Variants in RAPGEF4 observed in about 807,000 individuals in gnomAD.
The protein encoded by RAPGEF4 is Rap guanine nucleotide exchange factor 4, also known as RAP guanine-nucleotide-exchange factor (GEF) 4.
In RAPGEF4, 66 loss-of-function variants were observed where a neutral mutation model predicts 147.9. The observed-to-expected ratio is 0.45, with a 90% CI of 0.37 to 0.55. The LOEUF (loss-of-function observed/expected upper bound fraction) is 0.55. Ranked by LOEUF, RAPGEF4 falls within the 20% of genes least tolerant of loss-of-function variation. RAPGEF4 has a pLI of 0.00. For synonymous variants in RAPGEF4, 419 were observed against 442.7 expected, an observed-to-expected ratio of 0.95 and a Z score of 0.67; for missense variants, 1,071 against 1,257.3, an observed-to-expected ratio of 0.85 and a Z score of 2.24.
chr2:172,818,279 C>G (rs1688712825), intron 4 of RAPGEF4, among the ~76,000 whole-genome samples: 1 of 151,848 alleles, frequency 6.6e-6, no homozygotes, highest in Admixed American at 6.6e-5. Flanking sequence ...GAAGTCACCA[C>G]TAAAAAACTT....
chr2:172,769,190 A>T (rs997934325), intron 1 of RAPGEF4, among the ~76,000 whole-genome samples: 2 of 152,124 alleles, frequency 1.3e-5, no homozygotes, highest in Admixed American at 6.5e-5. Context: ...TGAAGGTTTG[A>T]TCTCTGGAAT....
At position 173,014,477 on chromosome 2, in the gene RAPGEF4, C is replaced by A. The variant is rs751881578; in HGVS notation, c.1672C>A (p.Pro558Thr). Reference sequence around the variant, plus strand: ...ACTCCTCGGCACCTACCACGCACAGCCTTCACAAGGTACAGAACAGGAGAA... The same window carrying A: ...ACTCCTCGGCACCTACCACGCACAGACTTCACAAGGTACAGAACAGGAGAA... Reference protein sequence around the residue: ...PALVAHYHAQPSQGTEQEKMD... With the variant: ...PALVAHYHAQTSQGTEQEKMD... The change falls in exon 18 of 31, where the codon CCT becomes ACT. Residue 558 changes from proline (P) to threonine (T), a missense_variant. Physicochemically the swap from Pro to Thr is conservative, Grantham distance 38. Coordinates refer to ENST00000397081, the MANE Select transcript of RAPGEF4 (RefSeq NM_007023.4). The A allele has an allele frequency of 1.2e-6, 2 of 1,613,932 alleles. No individual in the cohort carries two copies.
chr2:172,981,617 G>A (rs1479197822), intron 10 of RAPGEF4, among the ~76,000 whole-genome samples: 1 of 152,182 alleles, frequency 6.6e-6, no homozygotes, highest in Non-Finnish European at 1.5e-5. Flanking sequence ...TCTTTATACA[G>A]TCAGGATTAG....
chr2:172,785,512 G>A (rs1685113405), intron 1 of RAPGEF4, among the ~76,000 whole-genome samples: 2 of 152,122 alleles, frequency 1.3e-5, no homozygotes, highest in East Asian at 3.9e-4. Flanking sequence ...GAGGAGATGA[G>A]CAGCTCTTTG....
chr2:172,773,644 G>GC (rs145739180), intron 1 of RAPGEF4, among the ~76,000 whole-genome samples: 5,019 of 115,424 alleles, frequency 0.043, 237 homozygotes, highest in African/African-American at 0.12. Context: ...GCCCCACACT[G>GC]CCCCCCCCGC....
At chr2:172,832,704 G>A (rs1010416945) in intron 4 of RAPGEF4, among the ~76,000 whole-genome samples, 6 of 152,312 alleles carry the variant, frequency 3.9e-5, no homozygotes, top group South Asian at 2.1e-4. Context: ...TGATTCAACT[G>A]TTTTCATTTT....
intron 4 of RAPGEF4, among the ~76,000 whole-genome samples, chr2:172,882,728 G>T (rs978668985): frequency 2.6e-4 from 39 of 152,068 alleles, no homozygotes; most frequent in African/African-American, 8.7e-4. Flanking sequence ...TAGCTATAAT[G>T]TAAAGTTGAA....
chr2:172,941,891 G>A (rs1055033029), intron 6 of RAPGEF4, among the ~76,000 whole-genome samples: 1 of 152,048 alleles, frequency 6.6e-6, no homozygotes, highest in Non-Finnish European at 1.5e-5. Context: ...AGTTCACACA[G>A]CACAGTACCT....
chr2:172,852,804 G>A (rs72908203), intron 4 of RAPGEF4, among the ~76,000 whole-genome samples: 11,185 of 152,030 alleles, frequency 0.074, 449 homozygotes, highest in South Asian at 0.13. Context: ...TTAATTTGAT[G>A]AGAGTTTTTT....
chr2:172,788,694 G>A lies in RAPGEF4; in HGVS notation c.66-6331G>A, dbSNP rs148779097. ...GAGCCTAGGAGTTCAAGACCACCCT[G>A]GGCAACAAGGCGAGACCCTGTCTCT... On this transcript the variant is annotated intron_variant, in intron 1 of 30. Transcript: ENST00000397081. 8.7e-3 allele frequency among the ~76,000 whole-genome samples: 1,323 copies of A among 151,854 alleles called. 14 individuals carry two copies. The highest frequency in any genetic ancestry group is 0.028 in the African/African-American group (1,169 of 41,362).
chr2:172,917,732 A>T, intron 4 of RAPGEF4, 70 bp from the exon 5 acceptor site: 1 of 1,373,128 alleles, frequency 7.3e-7, no homozygotes, highest in Non-Finnish European at 1.0e-6. Context: ...TCTGCTTTTT[A>T]ACATGTAAAT....
At chr2:172,821,815 G>A in intron 4 of RAPGEF4, 1 of 1,330,076 alleles carries the variant, frequency 7.5e-7, no homozygotes, top group Non-Finnish European at 9.7e-7. Flanking sequence ...AGAACCATCA[G>A]CACCAGTTTC....
rs757174723 is a variant in RAPGEF4 at position 173,014,620 on chromosome 2, C to T, written c.1809+6C>T. 1 of 1,611,184 alleles carries T rather than the reference C, an allele frequency of 6.2e-7. No homozygotes were observed. The highest frequency in any genetic ancestry group is 1.1e-5 in the South Asian group (1 of 90,696). ...TGTCTATGGCCTTCCTGGAGGTAGG[C>T]AGGGGTCATCTCTTCCAAGAATATA... On this transcript the variant is annotated splice_donor_region_variant and intron_variant, in intron 18 of 30. Coordinates refer to ENST00000397081, the MANE Select transcript of RAPGEF4 (RefSeq NM_007023.4).
At chr2:172,805,609 G>A (rs1018169636) in intron 3 of RAPGEF4, among the ~76,000 whole-genome samples, 1 of 152,130 alleles carries the variant, frequency 6.6e-6, no homozygotes, top group Non-Finnish European at 1.5e-5. Flanking sequence ...CTCCTAAGGT[G>A]TCCCAACCTG....
chr2:172,812,801 A>C (rs1167589375), intron 3 of RAPGEF4, among the ~76,000 whole-genome samples: 1 of 152,244 alleles, frequency 6.6e-6, no homozygotes, highest in Non-Finnish European at 1.5e-5. Context: ...TAGAAAAATG[A>C]AATAGGCTAG....
In RAPGEF4 at chr2:172,938,214, T is replaced by TACACACAC. The variant is rs57780996; in HGVS notation, c.537+15938_537+15945dup. ...CTGTGCATATACACATATCTGTAAG[T>TACACACAC]ACACACACACACACACACACACACA... On this transcript the variant is annotated intron_variant, in intron 6 of 30. Transcript: ENST00000397081. Among the ~76,000 whole-genome samples, 1,113 of 148,248 alleles carry TACACACAC rather than the reference T, an allele frequency of 7.5e-3. 9 individuals carry two copies. Among genetic ancestry groups the TACACACAC allele is most frequent in the African/African-American group, 0.021 (834 of 40,404 alleles).
At chr2:172,914,436 C>T (rs1366618980) in intron 4 of RAPGEF4, among the ~76,000 whole-genome samples, 3 of 141,200 alleles carry the variant, frequency 2.1e-5, no homozygotes, top group Admixed American at 7.9e-5. Context: ...CTGGTTCAAG[C>T]GATTCTCCCG....
At chr2:172,875,835 C>T (rs990021656) in intron 4 of RAPGEF4, among the ~76,000 whole-genome samples, 1 of 152,106 alleles carries the variant, frequency 6.6e-6, no homozygotes, top group Non-Finnish European at 1.5e-5. Context: ...TTACCTTGGG[C>T]AGTATGGCCA....
chr2:172,963,828 C>A (rs1689547607), intron 8 of RAPGEF4, among the ~76,000 whole-genome samples: 1 of 152,178 alleles, frequency 6.6e-6, no homozygotes, highest in Non-Finnish European at 1.5e-5. Flanking sequence ...CCTGGTGCAG[C>A]ATAACCCCCC....
Sources: gnomAD v4.1 joint callset for allele counts (sites outside exome capture counted in the v4.1 genomes callset) on GRCh38, gnomAD v4.1.1 for gene constraint, MANE v1.5 for transcripts, NCBI Gene and HGNC (gene_info 2026-07-23, HGNC 2026-07-21) for gene names.